The following FAM193A variants were observed in gnomAD, a reference collection of about 807,000 sequenced individuals.
FAM193A encodes family with sequence similarity 193 member A.
In FAM193A, 22 loss-of-function variants were observed where a neutral mutation model predicts 126.5. The ratio of observed to expected loss-of-function variants is 0.17; its 90% CI spans 0.12 to 0.25. The LOEUF is 0.25. Among genes scored for constraint, FAM193A ranks in the 10% least tolerant of loss-of-function variants. The pLI is 1.00. For synonymous variants in FAM193A, 761 were observed against 646.8 expected, an observed-to-expected ratio of 1.18 and a Z score of -2.68; for missense variants, 1,675 against 1,672.8, an observed-to-expected ratio of 1.00 and a Z score of -0.02.
intron 7 of FAM193A, among the ~76,000 whole-genome samples, chr4:2,655,700 G>T: frequency 6.6e-6 from 1 of 152,014 alleles, no homozygotes; most frequent in Non-Finnish European, 1.5e-5. Flanking sequence ...GGAGGCCAAA[G>T]CAGAAGGATC....
intron 1 of FAM193A, among the ~76,000 whole-genome samples, chr4:2,565,637 A>G (rs959898576): frequency 1.3e-5 from 2 of 152,200 alleles, no homozygotes; most frequent in East Asian, 3.8e-4. Flanking sequence ...ATTCTTGGGT[A>G]GGGCAGGATT....
intron 5 of FAM193A, among the ~76,000 whole-genome samples, chr4:2,633,256 G>A (rs1204532247): frequency 4.0e-5 from 6 of 150,400 alleles, no homozygotes; most frequent in African/African-American, 4.9e-5. Flanking sequence ...AAAATTAGCC[G>A]GGCATGGTGG....
At chr4:2,666,851 T>G (rs987891740) in intron 12 of FAM193A, among the ~76,000 whole-genome samples, 25 of 152,234 alleles carry the variant, frequency 1.6e-4, no homozygotes, top group Admixed American at 7.2e-4. Flanking sequence ...TGATGCTAAT[T>G]CTTGATTTGG....
At chr4:2,611,641 T>G (rs1307314537) in intron 2 of FAM193A, among the ~76,000 whole-genome samples, 1 of 152,118 alleles carries the variant, frequency 6.6e-6, no homozygotes, top group Non-Finnish European at 1.5e-5. Context: ...TGTATCTCTT[T>G]GGAAAAGTGG....
At position 2,689,574 on chromosome 4, in the gene FAM193A, C is replaced by G; in HGVS notation, c.2400C>G (p.Asp800Glu). ...AGGTATTCAATGCATCTCTTCAAGA[C>G]CATATTTATCCGAGCTGTTTTGGGA... is the stretch of plus-strand genomic sequence containing the variant. ...KHQVFNASLQ[D>E]HIYPSCFGNT... Residue 800 changes from aspartate (D) to glutamate (E), a missense_variant, in exon 14 of 21, where the codon GAC (aspartate) becomes GAG (glutamate). Transcript: ENST00000637812. The G allele has an allele frequency of 6.5e-7, 1 of 1,549,798 alleles. No individual in the cohort carries two copies. The highest frequency in any genetic ancestry group is 8.6e-7 in the Non-Finnish European group (1 of 1,157,036).
chr4:2,659,412 T>A, intron 8 of FAM193A, 146 bp from the exon 9 acceptor site: 1 of 638,308 alleles, frequency 1.6e-6, no homozygotes, highest in Non-Finnish European at 2.8e-6. Flanking sequence ...CGACTCCAGG[T>A]CTGCTGCCCC....
chr4:2,671,474 C>G (rs1713774446), intron 12 of FAM193A, among the ~76,000 whole-genome samples: 1 of 152,168 alleles, frequency 6.6e-6, no homozygotes, highest in Admixed American at 6.5e-5. Flanking sequence ...CCACTGCCGA[C>G]CGAGTCAGGG....
chr4:2,602,494 C>T (rs1397828744), intron 2 of FAM193A, among the ~76,000 whole-genome samples: 2 of 151,420 alleles, frequency 1.3e-5, no homozygotes, highest in Non-Finnish European at 2.9e-5. Context: ...GCTGGGATTA[C>T]AGGCACGTGC....
intron 10 of FAM193A, 135 bp downstream of exon 10, chr4:2,660,189 G>A: frequency 1.1e-6 from 1 of 904,786 alleles, no homozygotes. Context: ...GGTTTTTAAT[G>A]CAGCTTTTAA....
chr4:2,566,942 CTTTTTTT>C (rs71644339), intron 1 of FAM193A, among the ~76,000 whole-genome samples: 2 of 138,916 alleles, frequency 1.4e-5, no homozygotes, highest in Admixed American at 7.2e-5. Context: ...ATTTCTTTTT[CTTTTTTT>C]TTTTTTTTGA....
intron 13 of FAM193A, among the ~76,000 whole-genome samples, chr4:2,676,428 G>A (rs1363688180): frequency 1.3e-5 from 2 of 152,130 alleles, no homozygotes; most frequent in African/African-American, 2.4e-5. Context: ...GTGATGTTGG[G>A]CATCTTTTCA....
intron 6 of FAM193A, among the ~76,000 whole-genome samples, chr4:2,645,717 G>A (rs1368924497): frequency 1.3e-5 from 2 of 152,046 alleles, no homozygotes; most frequent in East Asian, 1.9e-4. Flanking sequence ...TGTAGAGACA[G>A]GGTTTCTCCA....
At chr4:2,650,108 C>G (rs189374872) in intron 7 of FAM193A, among the ~76,000 whole-genome samples, 1 of 152,230 alleles carries the variant, frequency 6.6e-6, no homozygotes, top group Non-Finnish European at 1.5e-5. Flanking sequence ...ACTAATTGTG[C>G]ATTGTGGTGA....
intron 1 of FAM193A, among the ~76,000 whole-genome samples, chr4:2,574,911 A>G (rs1739498073): frequency 6.6e-6 from 1 of 152,306 alleles, no homozygotes; most frequent in Admixed American, 6.5e-5. Context: ...AGTTCTGGAG[A>G]ATAGAAGCTT....
chr4:2,699,663 T>C lies in FAM193A; in HGVS notation c.3508-17T>C, dbSNP rs1717469756. On this transcript the variant is annotated splice_polypyrimidine_tract_variant and intron_variant, in intron 18 of 20. Coordinates refer to ENST00000637812, the MANE Select transcript of FAM193A (RefSeq NM_001366318.2). Reference sequence around the variant, plus strand: ...CACTCACTGTAGTCTTAAATTGCCTTCTTTTTGCATTGGCAGCTGGAGGAG... The same window carrying C: ...CACTCACTGTAGTCTTAAATTGCCTCCTTTTTGCATTGGCAGCTGGAGGAG... 4.4e-6 allele frequency: 7 copies of C among 1,576,142 alleles called. No individual in the cohort carries two copies. Among genetic ancestry groups the C allele is most frequent in the Non-Finnish European group, 5.1e-6 (6 of 1,166,712 alleles).
chr4:2,661,903 GC>G (rs1327040024), intron 10 of FAM193A, among the ~76,000 whole-genome samples: 4 of 152,156 alleles, frequency 2.6e-5, no homozygotes, highest in Non-Finnish European at 4.4e-5. Flanking sequence ...TTAATTTCAG[GC>G]CGGGTGCAGT....
At chr4:2,582,109 A>G (rs886925591) in intron 1 of FAM193A, among the ~76,000 whole-genome samples, 2 of 151,734 alleles carry the variant, frequency 1.3e-5, no homozygotes, top group Admixed American at 6.6e-5. Context: ...TCCATGTGTA[A>G]TGTTTCTTTT....
chr4:2,552,291 G>T (rs1292860240), intron 1 of FAM193A, among the ~76,000 whole-genome samples: 1 of 145,248 alleles, frequency 6.9e-6, no homozygotes, highest in Non-Finnish European at 1.5e-5. Context: ...GATTACAGGC[G>T]TGAGCCACCG....
intron 7 of FAM193A, among the ~76,000 whole-genome samples, chr4:2,651,262 A>G (rs907803518): frequency 6.6e-6 from 1 of 152,186 alleles, no homozygotes; most frequent in Non-Finnish European, 1.5e-5. Flanking sequence ...CCTGGGAGGC[A>G]GAGGTTGGGG....
Sources: gnomAD v4.1 joint callset for allele counts (sites outside exome capture counted in the v4.1 genomes callset) on GRCh38, gnomAD v4.1.1 for gene constraint, MANE v1.5 for transcripts, NCBI Gene and HGNC (gene_info 2026-07-23, HGNC 2026-07-21) for gene names.